The following SECTM1 variants were observed in gnomAD, a reference collection of about 807,000 sequenced individuals.
SECTM1 encodes secreted and transmembrane protein 1.
Under a neutral mutation model 18.1 loss-of-function variants are expected in SECTM1, and 10 were observed. The observed-to-expected ratio is 0.55, with a 90% CI of 0.34 to 0.94. The LOEUF (loss-of-function observed/expected upper bound fraction) is 0.94. SECTM1 is among the 40% of genes least tolerant of loss of function. The pLI is 0.02. For missense variants in SECTM1, 297 were observed against 322.6 expected (o/e 0.92, Z 0.61); for synonymous variants, 137 against 139.2 (o/e 0.98, Z 0.11).
chr17:82,322,157 G>A lies in SECTM1; in HGVS notation c.*4C>T. 8.7e-6 allele frequency: 14 copies of A among 1,613,696 alleles called. No homozygotes were observed. Among genetic ancestry groups the A allele is most frequent in the Non-Finnish European group, 1.2e-5 (14 of 1,179,756 alleles). ...CTCCTGTGTCCTCTCTGCCTTGCAGGCGGCTATGGGTCTGCGGCATATGGA... is the reference window on the plus strand; with the variant it reads ...CTCCTGTGTCCTCTCTGCCTTGCAGACGGCTATGGGTCTGCGGCATATGGA... On this transcript the variant is annotated 3_prime_UTR_variant, in exon 5 of 5. Transcript: ENST00000269389.
rs1567845395 is a variant in SECTM1, at chr17:82,329,753, C to G, written c.-52-2461G>C. ...ATCTGTCCCTCTCCGTCTCCAGCGT[C>G]CAGAGGCATCCGCATCCCTCGGCTC... is the stretch of plus-strand genomic sequence containing the variant. On this transcript the variant is annotated intron_variant, in intron 1 of 4. Transcript: ENST00000269389. This position sits in a 1 kb window ranked among gnomAD's most constrained non-coding sequence, Gnocchi z 7.6. Among the ~76,000 whole-genome samples the G allele has an allele frequency of 6.6e-6, 1 of 152,154 alleles. No individual in the cohort carries two copies. Among genetic ancestry groups the G allele is most frequent in the Non-Finnish European group, 1.5e-5 (1 of 68,012 alleles).
At chr17:82,323,107 C>T (rs2052111861) in intron 3 of SECTM1, 96 bp from the exon 4 acceptor site, 3 of 1,380,116 alleles carry the variant, frequency 2.2e-6, no homozygotes, top group Non-Finnish European at 3.0e-6. Context: ...CTACACACTC[C>T]CTGGGGTGAG....
chr17:82,327,105 GC>G, intron 2 of SECTM1, 41 bp downstream of exon 2: 5 of 1,498,836 alleles, frequency 3.3e-6, no homozygotes, highest in Non-Finnish European at 4.6e-6. Flanking sequence ...CCCCCACCGG[GC>G]CCCCCTTTCC....
rs749725041 is a variant in SECTM1 at position 82,322,194 on chromosome 17, G to C, written c.714C>G (p.Pro238=). ...CTGCGGCATATGGAAACAAGGGTTG[G>C]GGGGACAGCAGCTCCAGGGCTCCAA... ...SPLGALELLS[P]QPLFPYAADP Residue 238 remains proline (P), a synonymous_variant, in exon 5 of 5, where the codon CCC becomes CCG. Transcript: ENST00000269389. 6 of 1,613,582 alleles carry C rather than the reference G, an allele frequency of 3.7e-6. No homozygotes were observed. Among genetic ancestry groups the C allele is most frequent in the Admixed American group, 1.7e-5 (1 of 59,938 alleles).
chr17:82,327,446 C>T (rs1390714222), intron 1 of SECTM1, among the ~76,000 whole-genome samples, 154 bp from the exon 2 acceptor site: 1 of 152,238 alleles, frequency 6.6e-6, no homozygotes, highest in African/African-American at 2.4e-5. Flanking sequence ...TCCTTCCCTT[C>T]CCTGTGCCTG....
At chr17:82,323,092 TC>T in intron 3 of SECTM1, 81 bp from the exon 4 acceptor site, 1 of 1,455,328 alleles carries the variant, frequency 6.9e-7, no homozygotes, top group Non-Finnish European at 9.4e-7. Flanking sequence ...CCCAGCCTCC[TC>T]CTCCTACACA....
At position 82,326,825 on chromosome 17, in the gene SECTM1, C is replaced by T. The variant is rs1473251199; in HGVS notation, c.94+322G>A. ...GTCGCAACTGACCCAGACCCTCTCC[C>T]TTGGAAACTGGTCGTGATCTTGGTC... On this transcript the variant is annotated intron_variant, in intron 2 of 4. Transcript: ENST00000269389. This position sits in a 1 kb window ranked among gnomAD's most constrained non-coding sequence, Gnocchi z 4.3. Among the ~76,000 whole-genome samples, 2 of 150,272 alleles carry T rather than the reference C, an allele frequency of 1.3e-5. No homozygotes were observed. Among genetic ancestry groups the T allele is most frequent in the Non-Finnish European group, 3.0e-5 (2 of 67,484 alleles).
intron 3 of SECTM1, 25 bp from the exon 4 acceptor site, chr17:82,323,036 A>G: frequency 6.3e-7 from 1 of 1,599,392 alleles, no homozygotes. Flanking sequence ...TCAGGGGTGT[A>G]CAGGTGGGCT....
intron 3 of SECTM1, 193 bp from the exon 4 acceptor site, chr17:82,323,204 G>A (rs1305986391): frequency 1.6e-6 from 1 of 620,458 alleles, no homozygotes; most frequent in Non-Finnish European, 2.8e-6. Flanking sequence ...AGGACCAGAG[G>A]TGGAAGGAGA....
intron 4 of SECTM1, 109 bp downstream of exon 4, chr17:82,322,769 C>T (rs1192304362): frequency 2.2e-6 from 3 of 1,353,528 alleles, no homozygotes; most frequent in Non-Finnish European, 3.0e-6. Flanking sequence ...GCTCCCCCCA[C>T]CCTCTCCTGG....
At position 82,324,697 on chromosome 17, in the gene SECTM1, C is replaced by T. The variant is rs760336828; in HGVS notation, c.288G>A (p.Gln96=). 6.2e-7 allele frequency: 1 copy of T among 1,614,068 alleles called. No homozygotes were observed. The highest frequency in any genetic ancestry group is 1.3e-5 in the African/African-American group (1 of 74,906). The change falls in exon 3 of 5, where the codon CAG becomes CAA. Residue 96 remains glutamine (Q), a synonymous_variant. Coordinates refer to ENST00000269389, the MANE Select transcript of SECTM1 (RefSeq NM_003004.3). The stretch of plus-strand genomic sequence containing the variant: ...TGATCACCAGCTGTGCCACGCCTCC[C>T]TGAACCTGGAGCTGCCAGCCGTCCC... ...FSRDGWQLQV[Q]GGVAQLVIKG...
In SECTM1 at chr17:82,321,616, C is replaced by G. The variant is rs911165362; in HGVS notation, c.*545G>C. The G allele has an allele frequency of 6.5e-6, 1 of 153,494 alleles. No individual in the cohort carries two copies. The highest frequency in any genetic ancestry group is 1.5e-5 in the Non-Finnish European group (1 of 68,444). The allele number at this position is 153,494 out of a possible 1,614,324, so 9.5% of individuals were successfully genotyped here. A position where few individuals can be genotyped will look rare whatever the true frequency, so the allele number is the denominator to read the frequency against. ...CCTCCCAGCCCGGCCTGCGCTGCCC[C>G]CTGGCGGTGGGGCCAGGAGCCATCC... On this transcript the variant is annotated 3_prime_UTR_variant, in exon 5 of 5. Transcript: ENST00000269389.
chr17:82,323,840 G>C (rs967866584), intron 3 of SECTM1, among the ~76,000 whole-genome samples: 1 of 151,738 alleles, frequency 6.6e-6, no homozygotes, highest in African/African-American at 2.4e-5. Flanking sequence ...GGCAGAGAGT[G>C]GGGCAGCGAG....
rs373090791 is a variant in SECTM1, at chr17:82,322,188, G to C, written c.720C>G (p.Pro240=). 1.2e-6 allele frequency: 2 copies of C among 1,613,638 alleles called. No homozygotes were observed. The highest frequency in any genetic ancestry group is 1.7e-6 in the Non-Finnish European group (2 of 1,179,754). The part of the protein sequence containing the change: ...LGALELLSPQ[P]LFPYAADP ...ATGGGTCTGCGGCATATGGAAACAA[G>C]GGTTGGGGGGACAGCAGCTCCAGGG... The change falls in exon 5 of 5, where the codon CCC becomes CCG. Residue 240 remains proline, a synonymous_variant. Transcript: ENST00000269389.
chr17:82,332,346 A>ACGCCTGC (rs1262589555), intron 1 of SECTM1, among the ~76,000 whole-genome samples: 5 of 124,850 alleles, frequency 4.0e-5, no homozygotes, highest in African/African-American at 1.7e-4. Context: ...CGCACCGCCC[A>ACGCCTGC]GCACGCCTGC....
At chr17:82,323,056 C>T (rs767720071) in intron 3 of SECTM1, 45 bp from the exon 4 acceptor site, 1 of 1,570,556 alleles carries the variant, frequency 6.4e-7, no homozygotes. Context: ...TGGGCATCCC[C>T]CACCCCCTAC....
At position 82,322,272 on chromosome 17, in the gene SECTM1, T is replaced by A. The variant is rs1160278851; in HGVS notation, c.636A>T (p.Pro212=). The change falls in exon 5 of 5, where the codon CCA becomes CCT. Residue 212 remains proline (P), a synonymous_variant. Coordinates refer to ENST00000269389, the MANE Select transcript of SECTM1 (RefSeq NM_003004.3). The stretch of plus-strand genomic sequence containing the variant: ...GCGGCCTTGGGGTGGGCTCGGAGTC[T>A]GGGGTCCACAGTTCAGCGGAGGCTC... ...LSRASAELWT[P]DSEPTPRPLA... 1.9e-6 allele frequency: 3 copies of A among 1,610,468 alleles called. No individual in the cohort carries two copies. Among genetic ancestry groups the A allele is most frequent in the Admixed American group, 1.7e-5 (1 of 59,672 alleles).
At position 82,322,501 on chromosome 17, in the gene SECTM1, C is replaced by T. The variant is rs548696619; in HGVS notation, c.538-131G>A. On this transcript the variant is annotated intron_variant, in intron 4 of 4. Transcript: ENST00000269389. ...CCCCCACCCCCAGGCACACTCCCAG[C>T]CCTCGCCTGGGTTCTGAAACTGCTG... 4.8e-5 allele frequency: 43 copies of T among 897,530 alleles called. No homozygotes were observed. The Admixed American group carries it at 6.0e-4, about 13-fold the overall frequency. The allele number at this position is 897,530 out of a possible 1,614,324, so 55.6% of individuals were successfully genotyped here.
At chr17:82,323,727 C>T (rs759013886) in intron 3 of SECTM1, among the ~76,000 whole-genome samples, 4 of 151,912 alleles carry the variant, frequency 2.6e-5, no homozygotes, top group East Asian at 1.9e-4. Context: ...CTGGTGGTGA[C>T]GGCTGTGGGC....
Sources: gnomAD v4.1 joint callset for allele counts (sites outside exome capture counted in the v4.1 genomes callset) on GRCh38, gnomAD v4.1.1 for gene constraint, Gnocchi (gnomAD v3.1) non-coding constraint, MANE v1.5 for transcripts, NCBI Gene and HGNC (gene_info 2026-07-23, HGNC 2026-07-21) for gene names.